The following GRK3 variants were observed in gnomAD, a reference collection of about 807,000 sequenced individuals.
The protein encoded by GRK3 is G protein-coupled receptor kinase 3, also known as adrenergic, beta, receptor kinase 2.
In GRK3, 54 loss-of-function variants were observed where a neutral mutation model predicts 95.7. The ratio of observed to expected loss-of-function variants is 0.56; its 90% confidence interval spans 0.45 to 0.71. The LOEUF (loss-of-function observed/expected upper bound fraction) is 0.71, where lower values mean the gene tolerates loss of function less well. Ranked by LOEUF, GRK3 falls within the 30% of genes least tolerant of loss-of-function variation. The probability of loss-of-function intolerance (pLI) is 0.00; values close to 1 mark genes in which losing one functional copy is unlikely to be tolerated. For missense variants in GRK3, 649 were observed against 851.2 expected, an observed-to-expected ratio of 0.76 and a Z score of 2.96; for synonymous variants, 281 against 290.8, an observed-to-expected ratio of 0.97 and a Z score of 0.34.
intron 13 of GRK3, among the ~76,000 whole-genome samples, chr22:25,697,752 G>C (rs2085220968): frequency 1.3e-5 from 2 of 152,190 alleles, no homozygotes; most frequent in African/African-American, 4.8e-5. Context: ...GTGAAGGAGG[G>C]TTCTGCCTCA....
Position 25,644,577 on chromosome 22 carries a change from AT to A in GRK3, c.191-8del. On this transcript the variant is annotated splice_polypyrimidine_tract_variant and intron_variant, in intron 2 of 20. Coordinates refer to ENST00000324198, the MANE Select transcript of GRK3 (RefSeq NM_005160.4). Reference sequence around the variant, plus strand: ...TTAATTGCCCACCCTGAAATTTTTTATTTTTTTCCTTTAGGTTTCTTGCTAT... The same window carrying A: ...TTAATTGCCCACCCTGAAATTTTTTATTTTTTCCTTTAGGTTTCTTGCTAT... The A allele has an allele frequency of 3.6e-6, 5 of 1,400,524 alleles. No homozygotes were observed. Among genetic ancestry groups the A allele is most frequent in the South Asian group, 2.5e-5 (2 of 78,498 alleles). The allele number at this position is 1,400,524 out of a possible 1,614,324, so 86.8% of individuals were successfully genotyped here. A position where few individuals can be genotyped will look rare whatever the true frequency, so the allele number is the denominator to read the frequency against.
rs183531439 is a variant in GRK3 at position 25,608,448 on chromosome 22, G to C, written c.190+3995G>C. On this transcript the variant is annotated intron_variant, in intron 2 of 20. Transcript: ENST00000324198. Reference sequence around the variant, plus strand: ...AACATGGCTAAAAGAGATTCTGCAGGTGGAATTAAGATGATTGTCCGAGTG... The same window carrying C: ...AACATGGCTAAAAGAGATTCTGCAGCTGGAATTAAGATGATTGTCCGAGTG... Among the ~76,000 whole-genome samples the C allele has an allele frequency of 3.4e-3, 510 of 152,162 alleles. 2 individuals are homozygous for C. Among genetic ancestry groups the C allele is most frequent in the African/African-American group, 0.012 (485 of 41,398 alleles).
intron 17 of GRK3, among the ~76,000 whole-genome samples, chr22:25,711,757 C>G (rs992666067): frequency 2.0e-5 from 3 of 152,112 alleles, no homozygotes; most frequent in African/African-American, 7.2e-5. Context: ...CTCTCACCTA[C>G]CCCCATGCTG....
chr22:25,715,736 T>G lies in GRK3; in HGVS notation c.1654+1166T>G, dbSNP rs529181481. Among the ~76,000 whole-genome samples the G allele has an allele frequency of 7.9e-5, 12 of 152,336 alleles. No individual in the cohort carries two copies. In the South Asian group the frequency reaches 2.5e-3, roughly 32 times the overall value. ...TCATCTTCCCTCTGAGCAAAGACCC[T>G]TGCAAGGTTAACCTTATGTAACAAG... On this transcript the variant is annotated intron_variant, in intron 18 of 20. Coordinates refer to ENST00000324198, the MANE Select transcript of GRK3 (RefSeq NM_005160.4).
chr22:25,644,178 C>G (rs2084764065), intron 2 of GRK3, among the ~76,000 whole-genome samples: 1 of 145,382 alleles, frequency 6.9e-6, no homozygotes, highest in African/African-American at 2.6e-5. Context: ...GGAGTTTGGT[C>G]CTATTTTAGT....
intron 13 of GRK3, among the ~76,000 whole-genome samples, chr22:25,701,632 C>A (rs1569202573): frequency 6.6e-6 from 1 of 152,174 alleles, no homozygotes; most frequent in African/African-American, 2.4e-5. Context: ...TAGCACAGAG[C>A]GCTTGTGTCA....
rs561689608 is a variant in GRK3 at position 25,728,903 on chromosome 22, C to T, written c.*6453C>T. 6.6e-6 allele frequency: 1 copy of T among 152,164 alleles called. No homozygotes were observed. The highest frequency in any genetic ancestry group is 6.5e-5 in the Admixed American group (1 of 15,298). 9.4% of individuals were successfully genotyped at this position (152,164 alleles called of 1,614,324 possible). On this transcript the variant is annotated 3_prime_UTR_variant, in exon 21 of 21. Transcript: ENST00000324198. ...CATTTGTCTCTGTCTGTTTTCATAG[C>T]CATCAATATAGTAACATATTTACTA...
chr22:25,673,154 C>T (rs769093921), intron 7 of GRK3, among the ~76,000 whole-genome samples: 25 of 151,626 alleles, frequency 1.6e-4, no homozygotes, highest in Non-Finnish European at 3.2e-4. Flanking sequence ...CTCCGCCTCC[C>T]GGGTTCACAC....
At chr22:25,622,714 A>T (rs1360904871) in intron 2 of GRK3, among the ~76,000 whole-genome samples, 1 of 152,194 alleles carries the variant, frequency 6.6e-6, no homozygotes, top group Non-Finnish European at 1.5e-5. Context: ...TGGAAACAGG[A>T]AGAAGAATCT....
chr22:25,639,953 T>C (rs971315187), intron 2 of GRK3, among the ~76,000 whole-genome samples: 24 of 152,166 alleles, frequency 1.6e-4, no homozygotes, highest in Non-Finnish European at 1.5e-5. Context: ...TAAAATTCCA[T>C]TTTAAAATTG....
rs1475888808 is a variant in GRK3, at chr22:25,729,183, G to T, written c.*6733G>T. 1 of 152,218 alleles carries T rather than the reference G, an allele frequency of 6.6e-6. No individual in the cohort carries two copies. Among genetic ancestry groups the T allele is most frequent in the African/African-American group, 2.4e-5 (1 of 41,460 alleles). 9.4% of individuals were successfully genotyped at this position (152,218 alleles called of 1,614,324 possible). On this transcript the variant is annotated 3_prime_UTR_variant, in exon 21 of 21. Coordinates refer to ENST00000324198, the MANE Select transcript of GRK3 (RefSeq NM_005160.4). Reference sequence around the variant, plus strand: ...TCTGAGGTCACCTGCCCTGTGTGGGGCACACCACCGTCAGCACCACCGTTT... The same window carrying T: ...TCTGAGGTCACCTGCCCTGTGTGGGTCACACCACCGTCAGCACCACCGTTT...
intron 12 of GRK3, among the ~76,000 whole-genome samples, chr22:25,690,958 G>A (rs997460598): frequency 2.0e-5 from 3 of 152,244 alleles, no homozygotes; most frequent in Non-Finnish European, 2.9e-5. Flanking sequence ...CTGACACCTC[G>A]GGGACACCAG....
intron 20 of GRK3, 116 bp from the exon 21 acceptor site, chr22:25,722,173 C>T (rs1180923605): frequency 3.1e-5 from 36 of 1,157,450 alleles, no homozygotes; most frequent in African/African-American, 7.6e-5. Context: ...GGGGTGGACA[C>T]GTAGGGTGTG....
At chr22:25,634,416 A>G (rs1023886317) in intron 2 of GRK3, among the ~76,000 whole-genome samples, 6 of 152,182 alleles carry the variant, frequency 3.9e-5, no homozygotes, top group African/African-American at 1.2e-4. Flanking sequence ...TTCCAATTAT[A>G]TGGGAGCTAG....
rs1601555685 is a variant in GRK3, at chr22:25,726,957, G to GTGTGTGTGTGTT, written c.*4507_*4508insTGTGTGTGTGTT. 1 of 149,514 alleles carries GTGTGTGTGTGTT rather than the reference G, an allele frequency of 6.7e-6. No homozygotes were observed. Among genetic ancestry groups the GTGTGTGTGTGTT allele is most frequent in the Non-Finnish European group, 1.4e-5 (1 of 69,684 alleles). The allele number at this position is 149,514 out of a possible 1,614,324, so 9.3% of individuals were successfully genotyped here. A position where few individuals can be genotyped will look rare whatever the true frequency, so the allele number is the denominator to read the frequency against. On this transcript the variant is annotated 3_prime_UTR_variant, in exon 21 of 21. Coordinates refer to ENST00000324198, the MANE Select transcript of GRK3 (RefSeq NM_005160.4). ...TGTGTGTGTGTGTGTGTGTGTGTGT[G>GTGTGTGTGTGTT]CACTTTGCAGCCCCCGAGGTGGAGA...
chr22:25,566,477 T>C (rs554463429), intron 1 of GRK3, among the ~76,000 whole-genome samples: 1 of 152,336 alleles, frequency 6.6e-6, no homozygotes, highest in South Asian at 2.1e-4. Flanking sequence ...AATGAAGACA[T>C]GCTTGCTAGG....
intron 16 of GRK3, 53 bp downstream of exon 16, chr22:25,710,017 G>A (rs766929643): frequency 1.1e-5 from 14 of 1,297,482 alleles, no homozygotes; most frequent in South Asian, 3.6e-5. Context: ...GCCCTTACCC[G>A]CTCATCTCTG....
At chr22:25,571,252 A>T (rs1235708062) in intron 1 of GRK3, among the ~76,000 whole-genome samples, 1 of 152,198 alleles carries the variant, frequency 6.6e-6, no homozygotes, top group Admixed American at 6.5e-5. Flanking sequence ...AAGGTTCTAA[A>T]TCAGAAGCCA....
intron 1 of GRK3, among the ~76,000 whole-genome samples, chr22:25,595,760 A>C (rs1160656156): frequency 6.6e-6 from 1 of 151,868 alleles, no homozygotes; most frequent in East Asian, 1.9e-4. Flanking sequence ...CAGTCTGGGC[A>C]ACATAGTGAG....
Sources: allele counts gnomAD v4.1 joint callset (sites outside exome capture counted in the v4.1 genomes callset), GRCh38; gene constraint gnomAD v4.1.1; transcripts MANE v1.5; gene names NCBI Gene and HGNC (gene_info 2026-07-23, HGNC 2026-07-21).